IMMP2L: variants seen among roughly 807,000 people sequenced by gnomAD.
IMMP2L encodes inner mitochondrial membrane peptidase subunit 2.
A neutral mutation model predicts 19.3 loss-of-function variants in IMMP2L; 18 were observed. That is an observed-to-expected ratio of 0.93 (90% confidence interval 0.64 to 1.38). IMMP2L has a LOEUF of 1.38. Ranked by LOEUF, IMMP2L falls within the 40% of genes most tolerant of loss-of-function variation. The pLI is 0.00. For missense variants in IMMP2L, 233 were observed against 218.2 expected, an observed-to-expected ratio of 1.07 and a Z score of -0.43; for synonymous variants, 76 against 73.0, an observed-to-expected ratio of 1.04 and a Z score of -0.21.
intron 5 of IMMP2L, among the ~76,000 whole-genome samples, chr7:110,857,705 G>A (rs1806941424): frequency 1.3e-5 from 2 of 151,958 alleles, no homozygotes; most frequent in Admixed American, 1.3e-4. Context: ...CAGTCCTGAG[G>A]CACTTGAGGC....
intron 3 of IMMP2L, among the ~76,000 whole-genome samples, chr7:111,254,703 A>G (rs1345801554): frequency 6.6e-6 from 1 of 152,142 alleles, no homozygotes; most frequent in East Asian, 1.9e-4. Flanking sequence ...CCACCCACAT[A>G]TAACTAAATC....
At chr7:111,548,773 C>A (rs1379517599) in intron 1 of IMMP2L, among the ~76,000 whole-genome samples, 1 of 152,156 alleles carries the variant, frequency 6.6e-6, no homozygotes, top group Non-Finnish European at 1.5e-5. Flanking sequence ...TTTAACTTTA[C>A]AAGCCTATTT....
intron 4 of IMMP2L, among the ~76,000 whole-genome samples, chr7:110,896,842 C>T (rs566204916): frequency 2.0e-5 from 3 of 151,682 alleles, no homozygotes; most frequent in Admixed American, 1.3e-4. Context: ...GGTCTCGCTT[C>T]GTTGCTCAGG....
intron 3 of IMMP2L, among the ~76,000 whole-genome samples, chr7:111,309,873 AAT>A (rs1399755865): frequency 3.0e-4 from 46 of 152,128 alleles, no homozygotes; most frequent in African/African-American, 1.1e-3. Flanking sequence ...GAGATTTTAA[AAT>A]ATTTTGATGG....
chr7:110,933,491 C>T (rs562157560), intron 4 of IMMP2L, among the ~76,000 whole-genome samples: 2 of 150,770 alleles, frequency 1.3e-5, no homozygotes, highest in Non-Finnish European at 2.9e-5. Context: ...AAATTAAGCC[C>T]TCTTATGATA....
intron 4 of IMMP2L, among the ~76,000 whole-genome samples, chr7:110,956,296 A>G (rs747428001): frequency 5.9e-5 from 9 of 152,064 alleles, no homozygotes; most frequent in Non-Finnish European, 1.0e-4. Context: ...TGCAATATCA[A>G]TACTAGTTAA....
At chr7:110,699,078 G>A (rs1794079117) in intron 5 of IMMP2L, among the ~76,000 whole-genome samples, 1 of 152,098 alleles carries the variant, frequency 6.6e-6, no homozygotes, top group African/African-American at 2.4e-5. Flanking sequence ...AATTTCATCT[G>A]ATACTAAGTA....
chr7:111,306,880 A>G (rs1255637476), intron 3 of IMMP2L, among the ~76,000 whole-genome samples: 1 of 151,870 alleles, frequency 6.6e-6, no homozygotes, highest in Non-Finnish European at 1.5e-5. Context: ...TTGATTGTCA[A>G]TATATAGCAA....
rs569344881 is a variant in IMMP2L at position 110,720,955 on chromosome 7, T to G, written c.409-57234A>C. Among the ~76,000 whole-genome samples, 5 of 152,232 alleles carry G rather than the reference T, an allele frequency of 3.3e-5. No homozygotes were observed. The South Asian group carries it at 8.3e-4, about 25-fold the overall frequency. On this transcript the variant is annotated intron_variant, in intron 5 of 5. Transcript: ENST00000405709. Reference sequence around the variant, plus strand: ...TACCAAGTGGTGCTTTGGGAAGGCTTAACCTTCCATCTTTCTTTCAGCTTC... The same window carrying G: ...TACCAAGTGGTGCTTTGGGAAGGCTGAACCTTCCATCTTTCTTTCAGCTTC...
At chr7:111,067,581 T>C (rs1259872080) in intron 3 of IMMP2L, among the ~76,000 whole-genome samples, 1 of 152,228 alleles carries the variant, frequency 6.6e-6, no homozygotes, top group Non-Finnish European at 1.5e-5. Context: ...TTAGTTCCTT[T>C]AAAAATAAAT....
intron 2 of IMMP2L, among the ~76,000 whole-genome samples, chr7:111,505,242 A>G (rs1844759758): frequency 6.6e-6 from 1 of 151,384 alleles, no homozygotes; most frequent in Non-Finnish European, 1.5e-5. Flanking sequence ...ATCACTGGCC[A>G]TCAGAGAAAT....
chr7:111,548,503 G>T (rs1585640579), intron 1 of IMMP2L, among the ~76,000 whole-genome samples: 1 of 152,056 alleles, frequency 6.6e-6, no homozygotes, highest in Admixed American at 6.5e-5. Flanking sequence ...GAAGTTAACA[G>T]AAGAAAGTAA....
At chr7:111,271,235 A>G (rs1455818445) in intron 3 of IMMP2L, among the ~76,000 whole-genome samples, 1 of 152,012 alleles carries the variant, frequency 6.6e-6, no homozygotes, top group Admixed American at 6.6e-5. Context: ...CATGATTGTA[A>G]GTTTCCTGAG....
chr7:111,387,075 A>C (rs949649334), intron 3 of IMMP2L, among the ~76,000 whole-genome samples: 2 of 152,330 alleles, frequency 1.3e-5, no homozygotes, highest in East Asian at 3.9e-4. Context: ...TGTAAAAAGA[A>C]AAGAAAATAC....
rs116240513 is a variant in IMMP2L at position 111,210,154 on chromosome 7, C to G, written c.240-246589G>C. Among the ~76,000 whole-genome samples, 1,379 of 152,228 alleles carry G rather than the reference C, an allele frequency of 9.1e-3. 26 individuals are homozygous for G. Among genetic ancestry groups the G allele is most frequent in the African/African-American group, 0.032 (1,316 of 41,514 alleles). Reference sequence around the variant, plus strand: ...GAGACTTTGTTTTTTGCTTTCTTGACTCTCTGCTTCACCTTAATTAAAATT... The same window carrying G: ...GAGACTTTGTTTTTTGCTTTCTTGAGTCTCTGCTTCACCTTAATTAAAATT... On this transcript the variant is annotated intron_variant, in intron 3 of 5. Coordinates refer to ENST00000405709, the MANE Select transcript of IMMP2L (RefSeq NM_032549.4).
At chr7:111,224,898 C>T (rs140314496) in intron 3 of IMMP2L, among the ~76,000 whole-genome samples, 14 of 152,088 alleles carry the variant, frequency 9.2e-5, no homozygotes, top group South Asian at 2.1e-4. Flanking sequence ...AGAATGTCTT[C>T]GATGAAGGAG....
chr7:111,530,936 T>C (rs1012562393), intron 1 of IMMP2L, among the ~76,000 whole-genome samples: 10 of 151,686 alleles, frequency 6.6e-5, no homozygotes, highest in Non-Finnish European at 1.3e-4. Flanking sequence ...TTAAGACAAG[T>C]GAGACATAAG....
intron 3 of IMMP2L, among the ~76,000 whole-genome samples, chr7:111,372,424 G>A (rs139005871): frequency 6.6e-6 from 1 of 152,008 alleles, no homozygotes; most frequent in African/African-American, 2.4e-5. Context: ...TTCTGTCAGT[G>A]GGCACATGAT....
At chr7:111,482,216 A>G (rs1177405418) in intron 3 of IMMP2L, among the ~76,000 whole-genome samples, 1 of 152,178 alleles carries the variant, frequency 6.6e-6, no homozygotes, top group African/African-American at 2.4e-5. Flanking sequence ...TGTGGATTCA[A>G]ATTCTGGCCT....
Sources: gnomAD v4.1 joint callset for allele counts (sites outside exome capture counted in the v4.1 genomes callset) on GRCh38, gnomAD v4.1.1 for gene constraint, MANE v1.5 for transcripts, NCBI Gene and HGNC (gene_info 2026-07-23, HGNC 2026-07-21) for gene names.